USP47: variants seen among roughly 807,000 people sequenced by gnomAD.
USP47 encodes the protein ubiquitin carboxyl-terminal hydrolase 47.
USP47 carries 35 observed loss-of-function variants against 165.1 expected under a neutral mutation model. The ratio of observed to expected loss-of-function variants is 0.21; its 90% CI spans 0.16 to 0.28. The LOEUF (loss-of-function observed/expected upper bound fraction) is 0.28, where lower values mean the gene tolerates loss of function less well. Among genes scored for constraint, USP47 ranks in the 10% least tolerant of loss-of-function variants. USP47 has a pLI of 1.00. For missense variants in USP47, 1,277 were observed against 1,607.4 expected (o/e 0.79, Z 3.52); for synonymous variants, 531 against 544.5 (o/e 0.98, Z 0.35).
Position 11,942,841 on chromosome 11 carries a change from T to C in USP47, c.2820T>C (p.Asp940=), listed in dbSNP as rs1425172898. ...NDRSTSSVDS[D]ILSSSHSSDT... The stretch of plus-strand genomic sequence containing the variant: ...GGAGTACAAGTTCAGTGGACAGTGA[T>C]ATTCTTAGCTCCAGTCATAGCAGTG... Residue 940 remains aspartate, a synonymous_variant, in exon 20 of 28, where the codon GAT becomes GAC. Coordinates refer to ENST00000527733, the MANE Select transcript of USP47 (RefSeq NM_001282659.2). The C allele has an allele frequency of 6.2e-7, 1 of 1,613,768 alleles. No homozygotes were observed. The highest frequency in any genetic ancestry group is 8.5e-7 in the Non-Finnish European group (1 of 1,179,776).
intron 14 of USP47, among the ~76,000 whole-genome samples, chr11:11,931,128 G>C (rs531703236): frequency 6.6e-6 from 1 of 151,996 alleles, no homozygotes; most frequent in Non-Finnish European, 1.5e-5. Flanking sequence ...ATCTAGGGGG[G>C]TGTGTACAGA....
chr11:11,854,380 A>T (rs889310545), intron 1 of USP47, among the ~76,000 whole-genome samples: 2 of 147,064 alleles, frequency 1.4e-5, no homozygotes, highest in African/African-American at 4.9e-5. Context: ...CTGACATTGG[A>T]CAAATTCCTT....
chr11:11,908,098 A>G (rs997021529), intron 8 of USP47, among the ~76,000 whole-genome samples: 22 of 152,184 alleles, frequency 1.4e-4, no homozygotes, highest in African/African-American at 5.3e-4. Flanking sequence ...AAAAAAAACA[A>G]AAAAAGATAT....
intron 1 of USP47, among the ~76,000 whole-genome samples, chr11:11,860,172 G>GGA (rs1301632616): frequency 6.6e-6 from 1 of 150,600 alleles, no homozygotes; most frequent in Non-Finnish European, 1.5e-5. Flanking sequence ...TTTTTGAGAT[G>GGA]GAGTTTCGCT....
intron 11 of USP47, among the ~76,000 whole-genome samples, chr11:11,924,159 C>T (rs1854069307): frequency 6.6e-6 from 1 of 152,108 alleles, no homozygotes; most frequent in African/African-American, 2.4e-5. Flanking sequence ...TCTTTTCCTA[C>T]TTTGTTGAAA....
chr11:11,905,695 A>G (rs1026637060), intron 8 of USP47, 147 bp downstream of exon 8: 2 of 769,128 alleles, frequency 2.6e-6, no homozygotes, highest in Non-Finnish European at 3.7e-6. Context: ...CAAGATCTAG[A>G]AGATTTTTGA....
In USP47 at chr11:11,856,215, T is replaced by A. The variant is rs1448837605; in HGVS notation, c.39+13991T>A. 4.6e-5 allele frequency among the ~76,000 whole-genome samples: 7 copies of A among 152,282 alleles called. No homozygotes were observed. The East Asian group carries it at 1.3e-3, about 29-fold the overall frequency. Reference sequence around the variant, plus strand: ...TAGACATTAGGGGGCAAAAAATATTTTTTTCCCCAGAAAAAGTCAACAGAT... The same window carrying A: ...TAGACATTAGGGGGCAAAAAATATTATTTTCCCCAGAAAAAGTCAACAGAT... On this transcript the variant is annotated intron_variant, in intron 1 of 27. Transcript: ENST00000527733.
At chr11:11,853,971 A>G (rs567099286) in intron 1 of USP47, among the ~76,000 whole-genome samples, 1 of 151,946 alleles carries the variant, frequency 6.6e-6, no homozygotes, top group South Asian at 2.1e-4. Flanking sequence ...CTAAAATAAA[A>G]TAAAATAAAA....
In USP47 at chr11:11,880,975, T is replaced by C. The variant is rs1850790194; in HGVS notation, c.243+595T>C. ...TTTTAACGACTGCAGTCTTGTCAGA[T>C]CTCTTTGAGGGTATACTTTCTAATT... On this transcript the variant is annotated intron_variant, in intron 2 of 27. Coordinates refer to ENST00000527733, the MANE Select transcript of USP47 (RefSeq NM_001282659.2). 3.3e-5 allele frequency among the ~76,000 whole-genome samples: 5 copies of C among 152,204 alleles called. 1 individual carries two copies. In the South Asian group the frequency reaches 1.0e-3, roughly 31 times the overall value.
At chr11:11,900,490 CAG>C (rs1852155826) in intron 5 of USP47, among the ~76,000 whole-genome samples, 1 of 151,982 alleles carries the variant, frequency 6.6e-6, no homozygotes, top group African/African-American at 2.4e-5. Flanking sequence ...TAGTAGCCAA[CAG>C]AGAACCTGCC....
Position 11,956,419 on chromosome 11 carries a change from A to C in USP47, c.*244A>C, listed in dbSNP as rs909680531. ...AAAGGGATGTGCAAAAAAATAAAAA[A>C]AAACAACAAAAAAAGCTAACCTTCT... On this transcript the variant is annotated 3_prime_UTR_variant, in exon 28 of 28. Transcript: ENST00000527733. 5 of 332,388 alleles carry C rather than the reference A, an allele frequency of 1.5e-5. No individual in the cohort carries two copies. The highest frequency in any genetic ancestry group is 1.1e-4 in the African/African-American group (5 of 46,942). 20.6% of individuals were successfully genotyped at this position (332,388 alleles called of 1,614,324 possible). A position where few individuals can be genotyped will look rare whatever the true frequency, so the allele number is the denominator to read the frequency against.
chr11:11,842,037 T>G lies in USP47; in HGVS notation c.-149T>G. Reference sequence around the variant, plus strand: ...CCCTGGGTCGGTGTCTGCGCGCTGGTGTCTGAGGCCCAGGCTGAGGCCTCC... The same window carrying G: ...CCCTGGGTCGGTGTCTGCGCGCTGGGGTCTGAGGCCCAGGCTGAGGCCTCC... On this transcript the variant is annotated 5_prime_UTR_variant, in exon 1 of 28. Transcript: ENST00000527733. The G allele has an allele frequency of 1.1e-6, 1 of 930,958 alleles. No individual in the cohort carries two copies. The highest frequency in any genetic ancestry group is 1.6e-6 in the Non-Finnish European group (1 of 638,060). 57.7% of individuals were successfully genotyped at this position (930,958 alleles called of 1,614,324 possible). A position where few individuals can be genotyped will look rare whatever the true frequency, so the allele number is the denominator to read the frequency against.
In USP47 at chr11:11,942,863, A is replaced by G. The variant is rs1260287926; in HGVS notation, c.2842A>G (p.Ser948Gly). The G allele has an allele frequency of 6.2e-7, 1 of 1,613,780 alleles. No individual in the cohort carries two copies. The change falls in exon 20 of 28, where the codon AGT (serine) becomes GGT (glycine). Residue 948 changes from serine to glycine, a missense_variant. By Grantham distance (56) the Ser-to-Gly change is moderately conservative. Coordinates refer to ENST00000527733, the MANE Select transcript of USP47 (RefSeq NM_001282659.2). The part of the protein sequence containing the change: ...DSDILSSSHS[S>G]DTLCNADNAQ... Reference sequence around the variant, plus strand: ...TGATATTCTTAGCTCCAGTCATAGCAGTGATACTTTGTGCAATGCAGACAA... The same window carrying G: ...TGATATTCTTAGCTCCAGTCATAGCGGTGATACTTTGTGCAATGCAGACAA...
intron 8 of USP47, among the ~76,000 whole-genome samples, chr11:11,907,266 A>G (rs1344873001): frequency 2.6e-5 from 4 of 152,200 alleles, no homozygotes; most frequent in Admixed American, 6.5e-5. Flanking sequence ...CATGGGTGGT[A>G]GTAGTGGTGG....
chr11:11,881,193 G>A (rs1043077454), intron 2 of USP47, among the ~76,000 whole-genome samples: 1 of 152,064 alleles, frequency 6.6e-6, no homozygotes, highest in Non-Finnish European at 1.5e-5. Context: ...TGCTTGTTGT[G>A]GAAAAAGGGT....
chr11:11,909,509 T>A (rs1276074857), intron 8 of USP47, among the ~76,000 whole-genome samples: 3 of 152,324 alleles, frequency 2.0e-5, no homozygotes, highest in East Asian at 3.9e-4. Context: ...TGTAGCCTCA[T>A]GTTTGACATT....
At position 11,909,654 on chromosome 11, in the gene USP47, CTTTTA is replaced by C. The variant is rs551836303; in HGVS notation, c.969+4109_969+4113del. On this transcript the variant is annotated intron_variant, in intron 8 of 27. Coordinates refer to ENST00000527733, the MANE Select transcript of USP47 (RefSeq NM_001282659.2). ...TTCTAGGCCATTTTCTTTTAGGATA[CTTTTA>C]TTCTATTGTTCATTACGTACATTTA... Among the ~76,000 whole-genome samples the C allele has an allele frequency of 4.8e-3, 723 of 152,186 alleles. 1 individual carries two copies. The highest frequency in any genetic ancestry group is 7.5e-3 in the Non-Finnish European group (511 of 67,990).
intron 1 of USP47, among the ~76,000 whole-genome samples, chr11:11,853,862 C>T (rs978802526): frequency 9.9e-5 from 15 of 152,224 alleles, no homozygotes; most frequent in Middle Eastern, 6.8e-3. Context: ...CCTGGTGGCT[C>T]ACACCTGTAA....
intron 1 of USP47, among the ~76,000 whole-genome samples, chr11:11,876,198 A>G (rs2134276511): frequency 6.6e-6 from 1 of 152,304 alleles, no homozygotes; most frequent in East Asian, 1.9e-4. Flanking sequence ...TCTAAATGGA[A>G]CATGCTGTAG....
Sources: gnomAD v4.1 joint callset for allele counts (sites outside exome capture counted in the v4.1 genomes callset) on GRCh38, gnomAD v4.1.1 for gene constraint, MANE v1.5 for transcripts, NCBI Gene and HGNC (gene_info 2026-07-23, HGNC 2026-07-21) for gene names.